The following COX10 variants were observed in gnomAD, a reference collection of about 807,000 sequenced individuals.
COX10 encodes the protein cytochrome c oxidase assembly factor heme A:farnesyltransferase COX10.
In COX10, 27 loss-of-function variants were observed where a neutral mutation model predicts 37.3. The ratio of observed to expected loss-of-function variants is 0.72; its 90% CI spans 0.53 to 1.00. The LOEUF (loss-of-function observed/expected upper bound fraction) is 1.00. Among genes scored for constraint, COX10 ranks in the 50% least tolerant of loss-of-function variants. The pLI, the probability that COX10 is intolerant of heterozygous loss-of-function variation, is 0.00. For synonymous variants in COX10, 222 were observed against 229.1 expected (o/e 0.97, Z 0.28); for missense variants, 475 against 563.2 (o/e 0.84, Z 1.59).
intron 4 of COX10, among the ~76,000 whole-genome samples, chr17:14,115,928 C>G (rs1347691930): frequency 6.6e-6 from 1 of 152,114 alleles, no homozygotes; most frequent in Non-Finnish European, 1.5e-5. Context: ...GTAAGTTATT[C>G]AGTTGATGAA....
At chr17:14,080,219 CTT>C (rs71147840) in intron 3 of COX10, among the ~76,000 whole-genome samples, 14 of 102,702 alleles carry the variant, frequency 1.4e-4, no homozygotes, top group East Asian at 5.8e-4. Flanking sequence ...ATTAGACTTT[CTT>C]TTTTTTTTTT....
intron 5 of COX10, among the ~76,000 whole-genome samples, chr17:14,170,763 G>A (rs894654273): frequency 6.6e-6 from 1 of 152,128 alleles, no homozygotes; most frequent in African/African-American, 2.4e-5. Context: ...GTTACAGTGA[G>A]CTATGATTGC....
chr17:14,172,152 C>G (rs1336122102), intron 5 of COX10, among the ~76,000 whole-genome samples: 3 of 152,114 alleles, frequency 2.0e-5, no homozygotes, highest in Admixed American at 6.5e-5. Context: ...TAAGTGATCA[C>G]TGTTTCACCA....
intron 6 of COX10, among the ~76,000 whole-genome samples, chr17:14,204,094 T>C (rs1268939354): frequency 3.3e-5 from 5 of 152,122 alleles, no homozygotes; most frequent in Admixed American, 6.5e-5. Flanking sequence ...TTGGGCGCAC[T>C]TTACTACAAT....
At chr17:14,159,158 C>T (rs551511784) in intron 4 of COX10, among the ~76,000 whole-genome samples, 3 of 152,208 alleles carry the variant, frequency 2.0e-5, no homozygotes, top group Admixed American at 2.0e-4. Context: ...ATGCTGGCAC[C>T]AAGATGTAAA....
chr17:14,190,523 C>T (rs1202034396), intron 5 of COX10, among the ~76,000 whole-genome samples: 1 of 152,176 alleles, frequency 6.6e-6, no homozygotes, highest in African/African-American at 2.4e-5. Context: ...CAACATACCC[C>T]TTATATTTTC....
At chr17:14,145,477 G>A (rs1264172305) in intron 4 of COX10, among the ~76,000 whole-genome samples, 3 of 152,108 alleles carry the variant, frequency 2.0e-5, no homozygotes, top group Non-Finnish European at 4.4e-5. Context: ...ATGGGGTAGA[G>A]TGAGTGAAGA....
At chr17:14,181,178 G>A (rs1905846171) in intron 5 of COX10, among the ~76,000 whole-genome samples, 1 of 152,216 alleles carries the variant, frequency 6.6e-6, no homozygotes, top group Non-Finnish European at 1.5e-5. Flanking sequence ...CCATACAAAA[G>A]ATGGAGAGAA....
intron 5 of COX10, among the ~76,000 whole-genome samples, chr17:14,189,770 G>A (rs1224873538): frequency 6.6e-6 from 1 of 152,194 alleles, no homozygotes; most frequent in African/African-American, 2.4e-5. Context: ...TTCAGCAGTT[G>A]GTGAGGGATA....
At chr17:14,165,896 G>A (rs759873457) in intron 5 of COX10, among the ~76,000 whole-genome samples, 1 of 152,234 alleles carries the variant, frequency 6.6e-6, no homozygotes, top group Non-Finnish European at 1.5e-5. Flanking sequence ...AGCAGCCACA[G>A]CATTGCCTCA....
intron 4 of COX10, among the ~76,000 whole-genome samples, chr17:14,129,259 A>T (rs1222088212): frequency 6.6e-6 from 1 of 151,922 alleles, no homozygotes; most frequent in Non-Finnish European, 1.5e-5. Flanking sequence ...CACAGAAATG[A>T]AATTTATTCT....
intron 3 of COX10, among the ~76,000 whole-genome samples, chr17:14,084,841 G>A (rs1915374098): frequency 6.6e-6 from 1 of 152,088 alleles, no homozygotes; most frequent in Non-Finnish European, 1.5e-5. Context: ...TGTATTTTTA[G>A]TAGAGACGGG....
intron 5 of COX10, among the ~76,000 whole-genome samples, chr17:14,168,372 T>A (rs1344848873): frequency 6.6e-6 from 1 of 152,210 alleles, no homozygotes; most frequent in African/African-American, 2.4e-5. Context: ...TCCAGGCACA[T>A]AGTGCAAGCT....
chr17:14,190,439 C>A (rs1380636485), intron 5 of COX10, among the ~76,000 whole-genome samples: 1 of 152,180 alleles, frequency 6.6e-6, no homozygotes, highest in East Asian at 1.9e-4. Flanking sequence ...GGAAATGCCA[C>A]CTCAAGGCAG....
chr17:14,101,050 G>C (rs1012190996), intron 3 of COX10, among the ~76,000 whole-genome samples: 2 of 152,142 alleles, frequency 1.3e-5, no homozygotes, highest in African/African-American at 4.8e-5. Context: ...ACTACCCCTG[G>C]TTAAGAACTG....
At chr17:14,086,060 A>T (rs1234502989) in intron 3 of COX10, among the ~76,000 whole-genome samples, 4 of 152,022 alleles carry the variant, frequency 2.6e-5, no homozygotes, top group Admixed American at 1.3e-4. Flanking sequence ...GTTTGTAAGG[A>T]TTCTTTATAT....
intron 4 of COX10, among the ~76,000 whole-genome samples, chr17:14,104,784 A>G (rs1019578169): frequency 2.6e-5 from 4 of 152,142 alleles, no homozygotes; most frequent in Non-Finnish European, 5.9e-5. Context: ...AGGAGAGAAA[A>G]TGAAATTCAG....
At chr17:14,206,466 T>C (rs2142272935) in intron 6 of COX10, among the ~76,000 whole-genome samples, 1 of 151,880 alleles carries the variant, frequency 6.6e-6, no homozygotes, top group Non-Finnish European at 1.5e-5. Flanking sequence ...TGGGGAGGTG[T>C]GAGGAGCATC....
chr17:14,154,740 A>G (rs1178624967), intron 4 of COX10, among the ~76,000 whole-genome samples: 1 of 152,232 alleles, frequency 6.6e-6, no homozygotes, highest in Non-Finnish European at 1.5e-5. Context: ...TCAGATCCTC[A>G]TAGTAACTTC....
Sources: gnomAD v4.1 joint callset for allele counts (sites outside exome capture counted in the v4.1 genomes callset) on GRCh38, gnomAD v4.1.1 for gene constraint, MANE v1.5 for transcripts, NCBI Gene and HGNC (gene_info 2026-07-23, HGNC 2026-07-21) for gene names.